The following SLC34A2 variants were observed in gnomAD, a reference collection of about 807,000 sequenced individuals.
The protein encoded by SLC34A2 is solute carrier family 34 member 2.
SLC34A2 carries 41 observed loss-of-function variants against 50.8 expected under a neutral mutation model. The ratio of observed to expected loss-of-function variants is 0.81; its 90% CI spans 0.63 to 1.05. SLC34A2 has a LOEUF of 1.05. Ranked by LOEUF, SLC34A2 falls within the 50% of genes least tolerant of loss-of-function variation. SLC34A2 has a pLI of 0.00. For missense variants in SLC34A2, 879 were observed against 876.7 expected (o/e 1.00, Z -0.03); for synonymous variants, 401 against 364.2 (o/e 1.10, Z -1.15).
At chr4:25,665,950 G>A (rs978408740) in intron 4 of SLC34A2, among the ~76,000 whole-genome samples, 178 bp from the exon 5 acceptor site, 3 of 152,196 alleles carry the variant, frequency 2.0e-5, no homozygotes, top group African/African-American at 7.2e-5. Flanking sequence ...CCTTATCGGG[G>A]CAGCACTGGG....
intron 1 of SLC34A2, among the ~76,000 whole-genome samples, chr4:25,657,980 G>A (rs1713978757): frequency 6.6e-6 from 1 of 152,166 alleles, no homozygotes; most frequent in East Asian, 1.9e-4. Context: ...TTGAAGCACA[G>A]AGTCATTCTT....
At chr4:25,656,288 C>T (rs1330682779) in intron 1 of SLC34A2, among the ~76,000 whole-genome samples, 1 of 152,158 alleles carries the variant, frequency 6.6e-6, no homozygotes, top group Non-Finnish European at 1.5e-5. Context: ...CCCTGTGAGC[C>T]CCTGGGCTGC....
At chr4:25,667,151 C>A (rs759158243) in intron 5 of SLC34A2, 3 of 152,268 alleles carry the variant, frequency 2.0e-5, no homozygotes, top group Non-Finnish European at 4.4e-5. Flanking sequence ...AAAGGTGCAG[C>A]AATATGCTGA....
intron 6 of SLC34A2, 105 bp downstream of exon 6, chr4:25,668,096 T>TAGA: frequency 3.9e-6 from 3 of 768,412 alleles, no homozygotes; most frequent in Non-Finnish European, 6.9e-6. Flanking sequence ...ATCAGGTTCA[T>TAGA]TCCTGGAGTT....
At chr4:25,666,099 GT>G in intron 4 of SLC34A2, 28 bp from the exon 5 acceptor site, 2 of 1,610,880 alleles carry the variant, frequency 1.2e-6, no homozygotes. Flanking sequence ...CGTTGTGATT[GT>G]TTTTGTTTGT....
intron 1 of SLC34A2, among the ~76,000 whole-genome samples, chr4:25,658,783 C>G (rs1714020006): frequency 6.6e-6 from 1 of 152,160 alleles, no homozygotes; most frequent in South Asian, 2.1e-4. Context: ...GGAGTGAGGC[C>G]TTGGGAAGGC....
chr4:25,668,991 G>A (rs1037592158), intron 6 of SLC34A2, among the ~76,000 whole-genome samples: 6 of 151,124 alleles, frequency 4.0e-5, no homozygotes, highest in Admixed American at 2.0e-4. Context: ...AGATGGAATC[G>A]AGGAGGAATC....
intron 4 of SLC34A2, among the ~76,000 whole-genome samples, 159 bp downstream of exon 4, chr4:25,664,489 A>G (rs906988979): frequency 2.0e-5 from 3 of 152,156 alleles, no homozygotes; most frequent in African/African-American, 7.2e-5. Flanking sequence ...GCTTTCCGTT[A>G]TAGAAGAGAA....
chr4:25,676,022 G>A, intron 12 of SLC34A2, 113 bp from the exon 13 acceptor site: 3 of 1,518,938 alleles, frequency 2.0e-6, no homozygotes, highest in Non-Finnish European at 2.7e-6. Context: ...AGGCCTGGAA[G>A]GCCCGAGACT....
At chr4:25,658,022 C>G (rs115390901) in intron 1 of SLC34A2, among the ~76,000 whole-genome samples, 2 of 152,114 alleles carry the variant, frequency 1.3e-5, no homozygotes, top group Non-Finnish European at 2.9e-5. Context: ...CTGGGCATCC[C>G]GAGAACACTG....
chr4:25,665,309 G>A (rs545142295), intron 4 of SLC34A2, among the ~76,000 whole-genome samples: 1 of 152,064 alleles, frequency 6.6e-6, no homozygotes, highest in African/African-American at 2.4e-5. Flanking sequence ...TGGGATTACA[G>A]GCATGCACCA....
Position 25,676,930 on chromosome 4 carries a change from T to C in SLC34A2, c.*181T>C, listed in dbSNP as rs1210343294. 5.5e-6 allele frequency: 4 copies of C among 730,064 alleles called. No homozygotes were observed. The Admixed American group carries it at 1.0e-4, about 18-fold the overall frequency. 45.2% of individuals were successfully genotyped at this position (730,064 alleles called of 1,614,324 possible). A position where few individuals can be genotyped will look rare whatever the true frequency, so the allele number is the denominator to read the frequency against. Reference sequence around the variant, plus strand: ...TTGGTGGTAGGCCTGCAGGGCACTTTTATTCCAACCCCTGGTCACTCAGTA... The same window carrying C: ...TTGGTGGTAGGCCTGCAGGGCACTTCTATTCCAACCCCTGGTCACTCAGTA... On this transcript the variant is annotated 3_prime_UTR_variant, in exon 13 of 13. Coordinates refer to ENST00000382051, the MANE Select transcript of SLC34A2 (RefSeq NM_006424.3).
intron 10 of SLC34A2, among the ~76,000 whole-genome samples, chr4:25,673,772 A>C (rs1339899932): frequency 6.6e-6 from 1 of 152,192 alleles, no homozygotes; most frequent in Non-Finnish European, 1.5e-5. Context: ...TCAGTGAAAT[A>C]TAGCCAAGAA....
At chr4:25,663,924 G>A (rs140536726) in intron 3 of SLC34A2, among the ~76,000 whole-genome samples, 16 of 152,236 alleles carry the variant, frequency 1.1e-4, no homozygotes, top group Admixed American at 2.6e-4. Flanking sequence ...TTTTTCTGTC[G>A]CAGACCACAT....
At chr4:25,670,642 A>G in intron 7 of SLC34A2, 96 bp from the exon 8 acceptor site, 2 of 885,544 alleles carry the variant, frequency 2.3e-6, no homozygotes, top group Non-Finnish European at 1.9e-6. Flanking sequence ...AGTCACATTT[A>G]TCTCCTTAGA....
intron 12 of SLC34A2, 45 bp from the exon 13 acceptor site, chr4:25,676,090 C>T: frequency 3.1e-6 from 5 of 1,611,294 alleles, no homozygotes; most frequent in Non-Finnish European, 4.2e-6. Flanking sequence ...CTGCCACCCG[C>T]ATTGGGCAAC....
rs1440904004 is a variant in SLC34A2, at chr4:25,669,680, C to T, written c.669C>T (p.Phe223=). 1 of 1,614,162 alleles carries T rather than the reference C, an allele frequency of 6.2e-7. No homozygotes were observed. The highest frequency in any genetic ancestry group is 1.7e-5 in the Admixed American group (1 of 60,022). ...CAGGAGCCACTGTCCATGACTTCTT[C>T]AACTGGCTGTCCGTGTTGGTGCTCT... The part of the protein sequence containing the change: ...AFAGATVHDF[F]NWLSVLVLLP... The change falls in exon 7 of 13, where the codon TTC becomes TTT. Residue 223 remains phenylalanine, a synonymous_variant. Coordinates refer to ENST00000382051, the MANE Select transcript of SLC34A2 (RefSeq NM_006424.3).
chr4:25,676,100 C>G (rs371166252), intron 12 of SLC34A2, 35 bp from the exon 13 acceptor site: 10 of 1,612,498 alleles, frequency 6.2e-6, no homozygotes, highest in Non-Finnish European at 8.5e-6. Context: ...CATTGGGCAA[C>G]AGGCCCCTCA....
chr4:25,667,831 C>A, intron 5 of SLC34A2, 49 bp from the exon 6 acceptor site: 1 of 1,271,856 alleles, frequency 7.9e-7, no homozygotes, highest in Non-Finnish European at 1.1e-6. Flanking sequence ...TTTAGCCTGC[C>A]TCCAGGCTGC....
Sources: gnomAD v4.1 joint callset for allele counts (sites outside exome capture counted in the v4.1 genomes callset) on GRCh38, gnomAD v4.1.1 for gene constraint, MANE v1.5 for transcripts, NCBI Gene and HGNC (gene_info 2026-07-23, HGNC 2026-07-21) for gene names.